PTPRC: variants seen among roughly 807,000 people sequenced by gnomAD.
PTPRC encodes the protein protein tyrosine phosphatase receptor type C, also known as receptor-type tyrosine-protein phosphatase C.
A neutral mutation model predicts 155.9 loss-of-function variants in PTPRC; 44 were observed. The ratio of observed to expected loss-of-function variants is 0.28; its 90% CI spans 0.22 to 0.36. The LOEUF (loss-of-function observed/expected upper bound fraction) is 0.36. Among genes scored for constraint, PTPRC ranks in the 10% least tolerant of loss-of-function variants. The pLI is 1.00. For missense variants in PTPRC, 1,401 were observed against 1,564.6 expected (o/e 0.90, Z 1.76); for synonymous variants, 525 against 533.1 (o/e 0.98, Z 0.21).
At chr1:198,692,397 T>C in intron 3 of PTPRC, 24 bp downstream of exon 3, 1 of 1,380,750 alleles carries the variant, frequency 7.2e-7, no homozygotes, top group Non-Finnish European at 9.5e-7. Flanking sequence ...TTTATATTTT[T>C]ACTAATTTTA....
intron 26 of PTPRC, among the ~76,000 whole-genome samples, chr1:198,746,321 G>A (rs1655130544): frequency 6.6e-6 from 1 of 151,832 alleles, no homozygotes; most frequent in African/African-American, 2.4e-5. Flanking sequence ...TGGTTTGCAA[G>A]TAGAATCAGG....
Position 198,757,049 on chromosome 1 carries a change from T to TACAA in PTPRC, c.*872_*875dup. On this transcript the variant is annotated 3_prime_UTR_variant, in exon 33 of 33. Transcript: ENST00000442510. ...TATTCATTGTATAAAAATAGAAGAATACAAACATATTTGTTAAATATTTAC... is the reference window on the plus strand; with the variant it reads ...TATTCATTGTATAAAAATAGAAGAATACAAACAAACATATTTGTTAAATATTTAC... The TACAA allele has an allele frequency of 6.6e-6, 1 of 152,016 alleles. No individual in the cohort carries two copies. The highest frequency in any genetic ancestry group is 1.5e-5 in the Non-Finnish European group (1 of 67,838). The allele number at this position is 152,016 out of a possible 1,614,324, so 9.4% of individuals were successfully genotyped here.
rs1666233313 is a variant in PTPRC, at chr1:198,696,919, CA to C, written c.298+14del. ...GCTTTTAATACCACAGGTTGGCACA[CA>C]AAAGTTGTTAACTTAAATATCAGGG... On this transcript the variant is annotated intron_variant, in intron 4 of 32. Coordinates refer to ENST00000442510, the MANE Select transcript of PTPRC (RefSeq NM_002838.5). 4 of 1,605,904 alleles carry C rather than the reference CA, an allele frequency of 2.5e-6. No homozygotes were observed. Among genetic ancestry groups the C allele is most frequent in the South Asian group, 1.1e-5 (1 of 90,902 alleles).
chr1:198,705,325 T>C (rs1443047270), intron 8 of PTPRC, among the ~76,000 whole-genome samples: 1 of 152,114 alleles, frequency 6.6e-6, no homozygotes, highest in East Asian at 1.9e-4. Flanking sequence ...CATTCATCTC[T>C]CCTCCCGCCT....
chr1:198,720,658 G>T (rs1369753076), intron 14 of PTPRC, among the ~76,000 whole-genome samples: 1 of 152,164 alleles, frequency 6.6e-6, no homozygotes, highest in Admixed American at 6.5e-5. Context: ...TAGTATAGGA[G>T]TGATTTGTTC....
intron 2 of PTPRC, among the ~76,000 whole-genome samples, chr1:198,682,701 T>A (rs922219614): frequency 1.4e-5 from 2 of 139,902 alleles, no homozygotes; most frequent in African/African-American, 3.3e-5. Flanking sequence ...TAATCATAAC[T>A]TTTTTTTGCA....
intron 12 of PTPRC, among the ~76,000 whole-genome samples, chr1:198,714,079 T>C (rs941462765): frequency 6.6e-6 from 1 of 152,144 alleles, no homozygotes; most frequent in Admixed American, 6.5e-5. Flanking sequence ...GTTAAGTCTA[T>C]GTGGAAGGAA....
rs118176726 is a variant in PTPRC at position 198,752,076 on chromosome 1, C to T, written c.3208-173C>T. 1.7e-4 allele frequency among the ~76,000 whole-genome samples: 26 copies of T among 152,130 alleles called. No individual in the cohort carries two copies. In the East Asian group the frequency reaches 5.0e-3, roughly 30 times the overall value. On this transcript the variant is annotated intron_variant, in intron 29 of 32. Transcript: ENST00000442510. The stretch of plus-strand genomic sequence containing the variant: ...ACCACATATTTATTAAATGGGTCGC[C>T]AGCACTTAAATAGATTCTGGATTTT...
At chr1:198,640,809 T>C (rs1662536574) in intron 2 of PTPRC, among the ~76,000 whole-genome samples, 1 of 152,020 alleles carries the variant, frequency 6.6e-6, no homozygotes, top group Non-Finnish European at 1.5e-5. Flanking sequence ...CTTCTATTAT[T>C]TTCTTCAGGT....
intron 2 of PTPRC, among the ~76,000 whole-genome samples, chr1:198,653,501 A>AGAAT (rs1377717176): frequency 6.6e-6 from 1 of 151,904 alleles, no homozygotes; most frequent in Non-Finnish European, 1.5e-5. Context: ...ACTGAAATAC[A>AGAAT]GAATGTTCAA....
intron 15 of PTPRC, among the ~76,000 whole-genome samples, chr1:198,724,536 CA>C (rs1318456196): frequency 6.6e-6 from 1 of 151,954 alleles, no homozygotes; most frequent in Non-Finnish European, 1.5e-5. Context: ...TTCTCCCATA[CA>C]AAAAAAATTT....
chr1:198,706,590 A>G (rs1172574428), intron 8 of PTPRC, 144 bp from the exon 9 acceptor site: 4 of 824,658 alleles, frequency 4.9e-6, no homozygotes, highest in East Asian at 2.7e-5. Context: ...TTACGAAAAA[A>G]ATGATATGGA....
At chr1:198,698,119 T>G (rs1225865424) in intron 4 of PTPRC, among the ~76,000 whole-genome samples, 1 of 152,238 alleles carries the variant, frequency 6.6e-6, no homozygotes, top group African/African-American at 2.4e-5. Context: ...GTTTTCCTTT[T>G]GAAGGTTCTG....
intron 15 of PTPRC, among the ~76,000 whole-genome samples, chr1:198,723,512 G>C (rs1371763455): frequency 6.6e-6 from 1 of 152,124 alleles, no homozygotes; most frequent in African/African-American, 2.4e-5. Flanking sequence ...TGTCAAAAAA[G>C]TCCAGCAAGA....
chr1:198,679,811 G>T, intron 2 of PTPRC: 1 of 550,706 alleles, frequency 1.8e-6, no homozygotes, highest in Non-Finnish European at 3.3e-6. Flanking sequence ...GTGTATTGGG[G>T]CTTCTTCCTG....
At chr1:198,731,773 G>T (rs1327808703) in intron 18 of PTPRC, 47 bp downstream of exon 18, 2 of 1,408,768 alleles carry the variant, frequency 1.4e-6, no homozygotes, top group Non-Finnish European at 2.0e-6. Context: ...CATCAAGACA[G>T]TTCCACTTTA....
intron 14 of PTPRC, among the ~76,000 whole-genome samples, chr1:198,720,290 A>G (rs1019997198): frequency 2.6e-5 from 4 of 152,122 alleles, no homozygotes; most frequent in Admixed American, 2.6e-4. Context: ...CACATTGCTT[A>G]TATGTTCCTG....
chr1:198,744,918 G>A (rs1655070813), intron 26 of PTPRC, among the ~76,000 whole-genome samples: 1 of 151,728 alleles, frequency 6.6e-6, no homozygotes, highest in African/African-American at 2.4e-5. Context: ...GGGTTAAGGT[G>A]GGGGTGGAGG....
chr1:198,755,906 G>A lies in PTPRC; in HGVS notation c.3646G>A (p.Glu1216Lys). ...ATTTCCCACTTAATTCCTTTACTAGGAGCAATATCAATTCCTATATGACGT... is the reference window on the plus strand; with the variant it reads ...ATTTCCCACTTAATTCCTTTACTAGAAGCAATATCAATTCCTATATGACGT... ...KARPGMVSTF[E>K]QYQFLYDVIA... Residue 1216 changes from glutamate to lysine, a missense_variant and splice_region_variant, in exon 33 of 33, where the codon GAG becomes AAG. Physicochemically the swap from Glu to Lys is moderately conservative, Grantham distance 56. Transcript: ENST00000442510. 6.2e-7 allele frequency: 1 copy of A among 1,608,250 alleles called. No homozygotes were observed. The highest frequency in any genetic ancestry group is 1.1e-5 in the South Asian group (1 of 90,762).
Sources: gnomAD v4.1 joint callset for allele counts (sites outside exome capture counted in the v4.1 genomes callset) on GRCh38, gnomAD v4.1.1 for gene constraint, MANE v1.5 for transcripts, NCBI Gene and HGNC (gene_info 2026-07-23, HGNC 2026-07-21) for gene names.